EFCAB6: variants seen among roughly 807,000 people sequenced by gnomAD.
EFCAB6 encodes the protein EF-hand calcium binding domain 6.
A neutral mutation model predicts 169.8 loss-of-function variants in EFCAB6; 156 were observed. That is an observed-to-expected ratio of 0.92 (90% CI 0.81 to 1.05). The LOEUF (loss-of-function observed/expected upper bound fraction) is 1.05, where lower values mean the gene tolerates loss of function less well. Among genes scored for constraint, EFCAB6 ranks in the 50% least tolerant of loss-of-function variants. EFCAB6 has a pLI of 0.00. For missense variants in EFCAB6, 1,800 were observed against 1,829.1 expected, an observed-to-expected ratio of 0.98 and a Z score of 0.29; for synonymous variants, 698 against 676.4, an observed-to-expected ratio of 1.03 and a Z score of -0.50.
intron 10 of EFCAB6, among the ~76,000 whole-genome samples, chr22:43,695,267 A>G (rs548004840): frequency 3.3e-5 from 5 of 152,208 alleles, no homozygotes; most frequent in Admixed American, 3.3e-4. Flanking sequence ...TCAAAAAACA[A>G]AAACACTTAG....
rs534103096 is a variant in EFCAB6 at position 43,529,286 on chromosome 22, C to T, written c.4384-311G>A. Among the ~76,000 whole-genome samples, 14 of 152,344 alleles carry T rather than the reference C, an allele frequency of 9.2e-5. No homozygotes were observed. The South Asian group carries it at 1.7e-3, about 18-fold the overall frequency. ...AGGCTGATGATCAGAGAGGTGGGGG[C>T]TCAAGGGGAGACCTGGCCATGCAGC... On this transcript the variant is annotated intron_variant, in intron 31 of 31. Coordinates refer to ENST00000262726, the MANE Select transcript of EFCAB6 (RefSeq NM_022785.4).
intron 17 of EFCAB6, among the ~76,000 whole-genome samples, chr22:43,637,686 C>G (rs1350771011): frequency 6.6e-6 from 1 of 152,006 alleles, no homozygotes; most frequent in Non-Finnish European, 1.5e-5. Context: ...GCAGGAAGCA[C>G]GTGATTGGGA....
At chr22:43,655,499 C>T (rs1298464330) in intron 17 of EFCAB6, among the ~76,000 whole-genome samples, 2 of 134,168 alleles carry the variant, frequency 1.5e-5, no homozygotes, top group Admixed American at 1.6e-4. Flanking sequence ...TGAAATAACA[C>T]AACAGAGCGA....
At chr22:43,759,466 A>G (rs947860617) in intron 5 of EFCAB6, 1 of 152,234 alleles carries the variant, frequency 6.6e-6, no homozygotes, top group Non-Finnish European at 1.5e-5. Context: ...TGCCACACGG[A>G]TTATCTAATA....
intron 27 of EFCAB6, among the ~76,000 whole-genome samples, chr22:43,551,500 T>C (rs2048374273): frequency 6.6e-6 from 1 of 152,226 alleles, no homozygotes; most frequent in African/African-American, 2.4e-5. Context: ...ATTTTTGTTT[T>C]TTAAATTTTT....
At chr22:43,728,202 G>T (rs192369445) in intron 8 of EFCAB6, among the ~76,000 whole-genome samples, 1 of 152,178 alleles carries the variant, frequency 6.6e-6, no homozygotes, top group African/African-American at 2.4e-5. Context: ...TGAGAATAAC[G>T]GTTTCCAACT....
chr22:43,653,885 C>G (rs1256375541), intron 17 of EFCAB6, among the ~76,000 whole-genome samples: 2 of 151,896 alleles, frequency 1.3e-5, no homozygotes, highest in Non-Finnish European at 2.9e-5. Context: ...GTTTCAAACT[C>G]AGGCAAATTA....
chr22:43,617,749 A>T (rs1435824035), intron 20 of EFCAB6, among the ~76,000 whole-genome samples: 1 of 152,182 alleles, frequency 6.6e-6, no homozygotes, highest in Non-Finnish European at 1.5e-5. Context: ...ATGTGGACAG[A>T]GTCCACATTC....
chr22:43,589,557 G>T (rs957733982), intron 24 of EFCAB6, among the ~76,000 whole-genome samples: 2 of 152,172 alleles, frequency 1.3e-5, no homozygotes, highest in African/African-American at 4.8e-5. Flanking sequence ...GGAGACTGAG[G>T]TGGGCGGATC....
At chr22:43,717,824 GA>G (rs2059387138) in intron 8 of EFCAB6, among the ~76,000 whole-genome samples, 1 of 152,044 alleles carries the variant, frequency 6.6e-6, no homozygotes, top group Non-Finnish European at 1.5e-5. Flanking sequence ...TTCTTTATGA[GA>G]GGAAAAAAAT....
At chr22:43,686,648 C>G (rs921008693) in intron 11 of EFCAB6, among the ~76,000 whole-genome samples, 1 of 152,158 alleles carries the variant, frequency 6.6e-6, no homozygotes, top group African/African-American at 2.4e-5. Flanking sequence ...TGATTACCTG[C>G]AAGGCTGTTA....
intron 11 of EFCAB6, among the ~76,000 whole-genome samples, chr22:43,686,414 G>A (rs2058196740): frequency 6.6e-6 from 1 of 152,038 alleles, no homozygotes; most frequent in African/African-American, 2.4e-5. Flanking sequence ...CCCACCCTCA[G>A]TGTGACAACC....
chr22:43,649,442 T>C (rs984860563), intron 17 of EFCAB6, among the ~76,000 whole-genome samples: 2 of 152,188 alleles, frequency 1.3e-5, no homozygotes, highest in Non-Finnish European at 2.9e-5. Flanking sequence ...ACACAGCCAC[T>C]AGAAATGTGA....
intron 17 of EFCAB6, among the ~76,000 whole-genome samples, chr22:43,637,157 C>T (rs2055468941): frequency 6.6e-6 from 1 of 152,176 alleles, no homozygotes; most frequent in South Asian, 2.1e-4. Flanking sequence ...CCACCTCCCA[C>T]CTGCCTCCCT....
At chr22:43,638,833 T>A (rs1283309479) in intron 17 of EFCAB6, among the ~76,000 whole-genome samples, 1 of 150,060 alleles carries the variant, frequency 6.7e-6, no homozygotes, top group Non-Finnish European at 1.5e-5. Flanking sequence ...TTGCCCAGGC[T>A]GGAGTGCAAT....
In EFCAB6 at chr22:43,811,133, A is replaced by G. The variant is rs534817486; in HGVS notation, c.-145+1035T>C. 5.9e-5 allele frequency among the ~76,000 whole-genome samples: 9 copies of G among 152,022 alleles called. No individual in the cohort carries two copies. In the South Asian group the frequency reaches 1.9e-3, roughly 32 times the overall value. ...CGTCTGTACTAAAAATACAAAAATTAGCTGGGCGTGGTGGCAGGCGCCTGT... is the reference window on the plus strand; with the variant it reads ...CGTCTGTACTAAAAATACAAAAATTGGCTGGGCGTGGTGGCAGGCGCCTGT... On this transcript the variant is annotated intron_variant, in intron 1 of 31. Transcript: ENST00000262726.
rs370896877 is a variant in EFCAB6, at chr22:43,586,417, T to C, written c.3032+3657A>G. On this transcript the variant is annotated intron_variant, in intron 24 of 31. Coordinates refer to ENST00000262726, the MANE Select transcript of EFCAB6 (RefSeq NM_022785.4). ...AGGCTGGAGTACAGTGGTGCAATCA[T>C]AGCTCATTGCAGCCTTGAATTCCTG... Among the ~76,000 whole-genome samples, 7 of 139,466 alleles carry C rather than the reference T, an allele frequency of 5.0e-5. No homozygotes were observed. In the East Asian group the frequency reaches 1.4e-3, roughly 28 times the overall value. The allele number at this position is 139,466 out of a possible 152,430, so 91.5% of individuals were successfully genotyped here. A position where few individuals can be genotyped will look rare whatever the true frequency, so the allele number is the denominator to read the frequency against.
chr22:43,731,492 T>G (rs1010930759), intron 8 of EFCAB6, among the ~76,000 whole-genome samples: 2 of 152,222 alleles, frequency 1.3e-5, no homozygotes, highest in African/African-American at 4.8e-5. Flanking sequence ...GCTGTAGATT[T>G]TACCACATGG....
chr22:43,657,155 T>TGTG (rs1204933032), intron 17 of EFCAB6, among the ~76,000 whole-genome samples: 1 of 151,562 alleles, frequency 6.6e-6, no homozygotes, highest in African/African-American at 2.4e-5. Context: ...GTTAGCCAGG[T>TGTG]GTGGTGGTAT....
Sources: gnomAD v4.1 joint callset for allele counts (sites outside exome capture counted in the v4.1 genomes callset) on GRCh38, gnomAD v4.1.1 for gene constraint, MANE v1.5 for transcripts, NCBI Gene and HGNC (gene_info 2026-07-23, HGNC 2026-07-21) for gene names.